NRG3: variants seen among roughly 807,000 people sequenced by gnomAD.
NRG3 encodes the protein neuregulin 3.
Under a neutral mutation model 66.9 loss-of-function variants are expected in NRG3, and 31 were observed. The ratio of observed to expected loss-of-function variants is 0.46; its 90% CI spans 0.35 to 0.63. The LOEUF (loss-of-function observed/expected upper bound fraction) is 0.63. Ranked by LOEUF, NRG3 falls within the 20% of genes least tolerant of loss-of-function variation. The probability of loss-of-function intolerance (pLI) is 0.00; values close to 1 mark genes in which losing one functional copy is unlikely to be tolerated. For missense variants in NRG3, 910 were observed against 878.9 expected (o/e 1.04, Z -0.45); for synonymous variants, 393 against 359.4 (o/e 1.09, Z -1.06).
intron 1 of NRG3, among the ~76,000 whole-genome samples, chr10:82,011,110 A>G (rs1031662191): frequency 5.9e-5 from 9 of 152,160 alleles, no homozygotes; most frequent in Non-Finnish European, 1.0e-4. Flanking sequence ...TAATATAGAC[A>G]TACCTGAGAC....
chr10:82,864,629 G>C (rs1374899057), intron 3 of NRG3, among the ~76,000 whole-genome samples: 2 of 152,230 alleles, frequency 1.3e-5, no homozygotes, highest in Non-Finnish European at 2.9e-5. Flanking sequence ...GAACATCTGA[G>C]GTTGAATACT....
chr10:82,070,570 T>C (rs2064750146), intron 1 of NRG3, among the ~76,000 whole-genome samples: 1 of 152,060 alleles, frequency 6.6e-6, no homozygotes, highest in Admixed American at 6.6e-5. Flanking sequence ...TACAATTAAA[T>C]TTAAGTGACA....
intron 1 of NRG3, chr10:82,232,820 G>T (rs774483390): frequency 2.8e-6 from 2 of 717,240 alleles, no homozygotes; most frequent in African/African-American, 3.5e-5. Flanking sequence ...CAGGAGCAAG[G>T]TAAGTTGTAA....
At chr10:82,904,319 CT>C (rs1168442134) in intron 4 of NRG3, among the ~76,000 whole-genome samples, 16 of 152,262 alleles carry the variant, frequency 1.1e-4, no homozygotes, top group African/African-American at 3.6e-4. Flanking sequence ...CTGGACACCC[CT>C]GGTGTAAGAG....
At position 81,876,046 on chromosome 10, in the gene NRG3, C is replaced by G. The variant is rs1339713802; in HGVS notation, c.706C>G (p.His236Asp). The G allele has an allele frequency of 2.5e-6, 4 of 1,613,868 alleles. No homozygotes were observed. The African/African-American group carries it at 5.3e-5, about 22-fold the overall frequency. ...TAAYATSSYL[H>D]DSTPSWTLSP... Reference sequence around the variant, plus strand: ...GGCATACGCTACCTCCTCCTACCTTCACGATTCTACTCCCTCCTGGACCCT... The same window carrying G: ...GGCATACGCTACCTCCTCCTACCTTGACGATTCTACTCCCTCCTGGACCCT... Residue 236 changes from histidine to aspartate, a missense_variant, in exon 1 of 9, where the codon CAC becomes GAC. His to Asp is a moderately conservative substitution (Grantham distance 81). Transcript: ENST00000372141.
At chr10:82,959,848 A>G (rs1353175196) in intron 6 of NRG3, among the ~76,000 whole-genome samples, 4 of 152,216 alleles carry the variant, frequency 2.6e-5, no homozygotes, top group African/African-American at 9.6e-5. Flanking sequence ...TTTAACCATT[A>G]CTGAGGTATA....
chr10:82,444,903 T>C (rs926289183), intron 2 of NRG3, among the ~76,000 whole-genome samples: 3 of 152,220 alleles, frequency 2.0e-5, no homozygotes, highest in African/African-American at 7.2e-5. Context: ...CCAACAAAGA[T>C]GGATTTGCAT....
At chr10:82,661,447 T>C (rs2052352846) in intron 2 of NRG3, among the ~76,000 whole-genome samples, 1 of 150,510 alleles carries the variant, frequency 6.6e-6, no homozygotes. Flanking sequence ...ATTAAATACA[T>C]ACACAAATAT....
At chr10:82,211,202 A>G (rs189213511) in intron 1 of NRG3, among the ~76,000 whole-genome samples, 114 of 152,260 alleles carry the variant, frequency 7.5e-4, no homozygotes, top group African/African-American at 2.6e-3. Flanking sequence ...CTTTTCTTTA[A>G]TGGTTAGGAG....
At chr10:82,065,137 A>C (rs1322919676) in intron 1 of NRG3, among the ~76,000 whole-genome samples, 1 of 152,146 alleles carries the variant, frequency 6.6e-6, no homozygotes, top group Non-Finnish European at 1.5e-5. Flanking sequence ...AAACTCACTG[A>C]CTTTCTTCAA....
intron 1 of NRG3, among the ~76,000 whole-genome samples, chr10:82,009,668 T>C (rs1251824334): frequency 6.6e-6 from 1 of 151,814 alleles, no homozygotes; most frequent in East Asian, 1.9e-4. Context: ...ATGCATGCAC[T>C]CTCAATAGAA....
At chr10:82,911,758 TTTA>T (rs1207104413) in intron 4 of NRG3, among the ~76,000 whole-genome samples, 1 of 151,766 alleles carries the variant, frequency 6.6e-6, no homozygotes, top group African/African-American at 2.4e-5. Context: ...TGCTCTAGTT[TTTA>T]TTATTTCTCT....
At chr10:82,207,253 T>C (rs1448884222) in intron 1 of NRG3, among the ~76,000 whole-genome samples, 5 of 152,178 alleles carry the variant, frequency 3.3e-5, no homozygotes, top group Non-Finnish European at 7.3e-5. Flanking sequence ...TTTTGGCACT[T>C]TTTTAGTGTT....
intron 2 of NRG3, among the ~76,000 whole-genome samples, chr10:82,449,060 C>T (rs1015419765): frequency 6.6e-6 from 1 of 152,128 alleles, no homozygotes; most frequent in African/African-American, 2.4e-5. Flanking sequence ...GGAATGAATG[C>T]AGCAGCCATC....
At chr10:82,227,052 C>A (rs537894078) in intron 1 of NRG3, among the ~76,000 whole-genome samples, 21 of 152,200 alleles carry the variant, frequency 1.4e-4, no homozygotes, top group African/African-American at 5.1e-4. Context: ...CACATGTTGG[C>A]GGTATGTATG....
chr10:82,547,587 A>G (rs906036013), intron 2 of NRG3, among the ~76,000 whole-genome samples: 4 of 150,832 alleles, frequency 2.7e-5, no homozygotes, highest in Non-Finnish European at 5.9e-5. Context: ...ATATACATTG[A>G]TGTATATATG....
At position 82,471,767 on chromosome 10, in the gene NRG3, T is replaced by A. The variant is rs540801504; in HGVS notation, c.953+112899T>A. Among the ~76,000 whole-genome samples the A allele has an allele frequency of 2.6e-5, 4 of 151,914 alleles. No homozygotes were observed. In the East Asian group the frequency reaches 7.8e-4, roughly 30 times the overall value. Reference sequence around the variant, plus strand: ...AATACAAAAATGTGGCAGGCACCTATAATCCCAGCTACTCCTGAGGCTGAG... The same window carrying A: ...AATACAAAAATGTGGCAGGCACCTAAAATCCCAGCTACTCCTGAGGCTGAG... On this transcript the variant is annotated intron_variant, in intron 2 of 8. Coordinates refer to ENST00000372141, the MANE Select transcript of NRG3 (RefSeq NM_001010848.4).
At chr10:82,904,342 G>A (rs17101037) in intron 4 of NRG3, among the ~76,000 whole-genome samples, 3,422 of 152,224 alleles carry the variant, frequency 0.022, 138 homozygotes, top group African/African-American at 0.078. Context: ...TGGTGGCATG[G>A]TAATCACAGT....
chr10:82,842,854 G>A (rs1319595979), intron 3 of NRG3, among the ~76,000 whole-genome samples: 22 of 152,154 alleles, frequency 1.4e-4, no homozygotes, highest in Admixed American at 1.4e-3. Context: ...TGGCGTAGCT[G>A]GGACTACAGG....
Sources: gnomAD v4.1 joint callset for allele counts (sites outside exome capture counted in the v4.1 genomes callset) on GRCh38, gnomAD v4.1.1 for gene constraint, MANE v1.5 for transcripts, NCBI Gene and HGNC (gene_info 2026-07-23, HGNC 2026-07-21) for gene names.